The following LYRM4 variants were observed in gnomAD, a reference collection of about 807,000 sequenced individuals.
LYRM4 encodes the protein LYR motif-containing protein 4.
A neutral mutation model predicts 11.7 loss-of-function variants in LYRM4; 9 were observed. The observed-to-expected ratio is 0.77, with a 90% CI of 0.46 to 1.34. The LOEUF is 1.34. Ranked by LOEUF, LYRM4 falls within the 40% of genes most tolerant of loss-of-function variation. The pLI is 0.00. For synonymous variants in LYRM4, 42 were observed against 40.4 expected (o/e 1.04, Z -0.15); for missense variants, 133 against 112.5 (o/e 1.18, Z -0.82).
intron 1 of LYRM4, among the ~76,000 whole-genome samples, chr6:5,255,405 T>C (rs1219961141): frequency 2.0e-5 from 3 of 152,152 alleles, no homozygotes; most frequent in African/African-American, 7.2e-5. Flanking sequence ...AAACTATCAA[T>C]CTGCTGATTT....
At chr6:5,175,238 T>G (rs1327098643) in intron 2 of LYRM4, among the ~76,000 whole-genome samples, 1 of 152,246 alleles carries the variant, frequency 6.6e-6, no homozygotes, top group Non-Finnish European at 1.5e-5. Flanking sequence ...CATGGTATGC[T>G]TTTAAAACAT....
chr6:5,188,069 C>A, intron 2 of LYRM4, among the ~76,000 whole-genome samples: 1 of 152,196 alleles, frequency 6.6e-6, no homozygotes, highest in East Asian at 1.9e-4. Flanking sequence ...AATGCATTGG[C>A]CACGCATGGT....
chr6:5,251,325 A>G (rs1280097202), intron 1 of LYRM4, among the ~76,000 whole-genome samples: 2 of 151,930 alleles, frequency 1.3e-5, no homozygotes, highest in Admixed American at 6.5e-5. Flanking sequence ...TATTCATATT[A>G]GGGTGGTATT....
the LYRM4 span, among the ~76,000 whole-genome samples, chr6:5,060,492 T>G: frequency 8.0e-6 from 1 of 124,400 alleles, no homozygotes; most frequent in African/African-American, 3.1e-5. Context: ...CCCCTTGAGT[T>G]TCGATTTTTG....
chr6:5,066,394 T>C, the LYRM4 span: 8 of 737,936 alleles, frequency 1.1e-5, no homozygotes, highest in South Asian at 8.5e-5. Context: ...TCACCTCTAC[T>C]TGAGAACATT....
intron 1 of LYRM4, among the ~76,000 whole-genome samples, chr6:5,218,037 G>C (rs1157174104): frequency 6.6e-6 from 1 of 151,842 alleles, no homozygotes. Flanking sequence ...CCTCCAAAGT[G>C]GCCAGGATTA....
chr6:5,140,568 T>A (rs540081546), intron 2 of LYRM4, among the ~76,000 whole-genome samples: 2 of 152,326 alleles, frequency 1.3e-5, no homozygotes, highest in South Asian at 4.1e-4. Context: ...CTTAAGTGCA[T>A]TACAGGTATG....
intron 2 of LYRM4, among the ~76,000 whole-genome samples, chr6:5,186,397 G>A (rs527792185): frequency 8.5e-5 from 13 of 152,266 alleles, no homozygotes; most frequent in Non-Finnish European, 1.3e-4. Flanking sequence ...AAAATGCAGG[G>A]AATTGAGGGT....
the LYRM4 span, chr6:5,032,562 G>C: frequency 6.6e-6 from 1 of 152,194 alleles, no homozygotes; most frequent in South Asian, 2.1e-4. Context: ...GACCACAGTT[G>C]TTCAGTAAGT....
intron 2 of LYRM4, among the ~76,000 whole-genome samples, chr6:5,155,877 T>A (rs6597117): frequency 0.75 from 114,370 of 152,200 alleles, 43,039 homozygotes; most frequent in East Asian, 0.89. Context: ...ATTATACATG[T>A]TCCCTGTGAA....
At chr6:5,245,141 T>C (rs1477840396) in intron 1 of LYRM4, among the ~76,000 whole-genome samples, 1 of 85,482 alleles carries the variant, frequency 1.2e-5, no homozygotes, top group Non-Finnish European at 2.3e-5. Context: ...TATATATATA[T>C]ATATATATAT....
At chr6:5,242,700 C>T (rs549760484) in intron 1 of LYRM4, among the ~76,000 whole-genome samples, 23 of 151,524 alleles carry the variant, frequency 1.5e-4, no homozygotes, top group Admixed American at 2.0e-4. Context: ...GCCTGGGCAA[C>T]GAGAGCGAAA....
the LYRM4 span, among the ~76,000 whole-genome samples, chr6:5,061,484 T>G: frequency 6.6e-6 from 1 of 152,254 alleles, no homozygotes; most frequent in African/African-American, 2.4e-5. Context: ...ATCTATGTCA[T>G]AAATAATGAG....
At chr6:5,132,604 G>A (rs1764007310) in intron 2 of LYRM4, 1 of 152,208 alleles carries the variant, frequency 6.6e-6, no homozygotes, top group Non-Finnish European at 1.5e-5. Flanking sequence ...TGCTCCAGGA[G>A]CACATCTCAG....
At chr6:5,206,975 T>C (rs1761735706) in intron 2 of LYRM4, among the ~76,000 whole-genome samples, 1 of 152,152 alleles carries the variant, frequency 6.6e-6, no homozygotes, top group African/African-American at 2.4e-5. Context: ...CAAAAACACA[T>C]TGAGTACAAA....
chr6:5,235,626 C>T (rs979092009), intron 1 of LYRM4, among the ~76,000 whole-genome samples: 1 of 152,170 alleles, frequency 6.6e-6, no homozygotes, highest in African/African-American at 2.4e-5. Context: ...ATATTACATT[C>T]AACATTTGCT....
chr6:5,086,750 A>C, the LYRM4 span: 3 of 601,364 alleles, frequency 5.0e-6, no homozygotes, highest in Middle Eastern at 4.4e-4. Context: ...GCGAGCTTAG[A>C]GAGCCCGGGC....
intron 1 of LYRM4, among the ~76,000 whole-genome samples, chr6:5,244,841 G>C (rs1764068204): frequency 6.6e-6 from 1 of 151,670 alleles, no homozygotes; most frequent in Non-Finnish European, 1.5e-5. Context: ...GATGAGTGTG[G>C]AGCTTTCATG....
the LYRM4 span, chr6:5,066,549 T>C: frequency 1.2e-6 from 1 of 854,810 alleles, no homozygotes. Flanking sequence ...GTGAATCACT[T>C]GTAGTTTTCC....
Sources: allele counts gnomAD v4.1 joint callset (sites outside exome capture counted in the v4.1 genomes callset), GRCh38; gene constraint gnomAD v4.1.1; transcripts MANE v1.5; gene names NCBI Gene and HGNC (gene_info 2026-07-23, HGNC 2026-07-21).